Variants in GABBR2 observed in about 807,000 individuals in gnomAD.
GABBR2 encodes the protein G-protein coupled receptor 51.
In GABBR2, 23 loss-of-function variants were observed where a neutral mutation model predicts 105.6. The ratio of observed to expected loss-of-function variants is 0.22; its 90% CI spans 0.16 to 0.31. The LOEUF (loss-of-function observed/expected upper bound fraction) is 0.31. GABBR2 is among the 10% of genes least tolerant of loss of function. The pLI is 1.00. For missense variants in GABBR2, 734 were observed against 1,245.5 expected (o/e 0.59, Z 6.18); for synonymous variants, 478 against 499.7 (o/e 0.96, Z 0.58).
intron 4 of GABBR2, among the ~76,000 whole-genome samples, chr9:98,493,100 A>C (rs1827212448): frequency 6.6e-6 from 1 of 152,044 alleles, no homozygotes; most frequent in African/African-American, 2.4e-5. Flanking sequence ...ACTTGTGGAG[A>C]TTTATTTTAT....
At chr9:98,597,297 C>A (rs1412916581) in intron 1 of GABBR2, among the ~76,000 whole-genome samples, 3 of 152,190 alleles carry the variant, frequency 2.0e-5, no homozygotes, top group Non-Finnish European at 2.9e-5. Context: ...TTTGTGATCA[C>A]AAACAACATG....
At position 98,439,908 on chromosome 9, in the gene GABBR2, G is replaced by A. The variant is rs184153546; in HGVS notation, c.1236+14073C>T. 5.4e-4 allele frequency among the ~76,000 whole-genome samples: 75 copies of A among 139,606 alleles called. 1 individual carries two copies. The highest frequency in any genetic ancestry group is 1.8e-3 in the African/African-American group (74 of 40,252). 91.6% of individuals were successfully genotyped at this position (139,606 alleles called of 152,430 possible). A position where few individuals can be genotyped will look rare whatever the true frequency, so the allele number is the denominator to read the frequency against. On this transcript the variant is annotated intron_variant, in intron 7 of 18. Coordinates refer to ENST00000259455, the MANE Select transcript of GABBR2 (RefSeq NM_005458.8). ...TAATCCTCACAGCCCTTTAAGGTAG[G>A]CCCCGTTGTTATCTATAGGGGTAAC...
chr9:98,529,563 G>A (rs1362167393), intron 3 of GABBR2, among the ~76,000 whole-genome samples: 1 of 152,108 alleles, frequency 6.6e-6, no homozygotes, highest in African/African-American at 2.4e-5. Flanking sequence ...TTTCCTTTGT[G>A]CTCTTTTGTG....
chr9:98,607,398 C>T (rs1588249909), intron 1 of GABBR2: 1 of 656,834 alleles, frequency 1.5e-6, no homozygotes. Context: ...TATCATCTCA[C>T]TTATTGCCAC....
intron 4 of GABBR2, among the ~76,000 whole-genome samples, chr9:98,488,461 A>C (rs1827105792): frequency 6.6e-6 from 1 of 152,240 alleles, no homozygotes; most frequent in South Asian, 2.1e-4. Flanking sequence ...AGAAAGCCAA[A>C]CATGGCTCTA....
chr9:98,483,728 A>T (rs528029255), intron 4 of GABBR2, among the ~76,000 whole-genome samples: 2 of 151,780 alleles, frequency 1.3e-5, no homozygotes, highest in African/African-American at 4.8e-5. Flanking sequence ...CACAGCTGCT[A>T]CTCACCCTTC....
chr9:98,428,362 C>T (rs796981779), intron 7 of GABBR2, among the ~76,000 whole-genome samples: 8 of 152,294 alleles, frequency 5.3e-5, no homozygotes, highest in South Asian at 2.1e-4. Context: ...TTTCAGGAGA[C>T]GCAGCTCCAA....
At chr9:98,663,297 A>G (rs967758937) in intron 1 of GABBR2, among the ~76,000 whole-genome samples, 1 of 152,266 alleles carries the variant, frequency 6.6e-6, no homozygotes, top group East Asian at 1.9e-4. Flanking sequence ...GAGGAAAGGC[A>G]CAGGGTCATG....
intron 1 of GABBR2, among the ~76,000 whole-genome samples, chr9:98,626,128 G>C (rs113542574): frequency 6.6e-6 from 1 of 152,340 alleles, no homozygotes; most frequent in Admixed American, 6.5e-5. Flanking sequence ...CATGCTGAGT[G>C]AAAGAGGCTG....
chr9:98,606,918 C>CCT lies in GABBR2; in HGVS notation c.322-28847_322-28846insAG, dbSNP rs1270857629. 4.6e-6 allele frequency: 3 copies of CCT among 656,724 alleles called. No individual in the cohort carries two copies. The African/African-American group carries it at 5.3e-5, about 12-fold the overall frequency. The allele number at this position is 656,724 out of a possible 1,614,324, so 40.7% of individuals were successfully genotyped here. The stretch of plus-strand genomic sequence containing the variant: ...TGATCCACATGAATTCCTAGGCATT[C>CCT]AGACCTAAGAATCATCTTCTTCCTG... On this transcript the variant is annotated intron_variant, in intron 1 of 18. Coordinates refer to ENST00000259455, the MANE Select transcript of GABBR2 (RefSeq NM_005458.8).
chr9:98,589,044 G>A (rs1330494799), intron 1 of GABBR2, among the ~76,000 whole-genome samples: 1 of 152,146 alleles, frequency 6.6e-6, no homozygotes, highest in Non-Finnish European at 1.5e-5. Flanking sequence ...TGCCTCAGAG[G>A]AGGTCACCCT....
At chr9:98,579,280 C>T (rs1049961086) in intron 1 of GABBR2, among the ~76,000 whole-genome samples, 1 of 152,112 alleles carries the variant, frequency 6.6e-6, no homozygotes, top group Non-Finnish European at 1.5e-5. Flanking sequence ...AAGGAGCTTC[C>T]GTATTAGAGA....
chr9:98,674,141 C>G (rs1830443258), intron 1 of GABBR2, among the ~76,000 whole-genome samples: 1 of 152,164 alleles, frequency 6.6e-6, no homozygotes. Flanking sequence ...GGCAGTTCTC[C>G]ACTCCACTGC....
chr9:98,685,387 T>C (rs1830607620), intron 1 of GABBR2, among the ~76,000 whole-genome samples: 1 of 152,234 alleles, frequency 6.6e-6, no homozygotes, highest in African/African-American at 2.4e-5. Context: ...GGACTTCACC[T>C]TGTGATCATG....
At chr9:98,502,972 C>A (rs1827434656) in intron 3 of GABBR2, among the ~76,000 whole-genome samples, 1 of 152,222 alleles carries the variant, frequency 6.6e-6, no homozygotes, top group Non-Finnish European at 1.5e-5. Flanking sequence ...GTTTCAGGAA[C>A]CGTCTGAGGT....
intron 1 of GABBR2, among the ~76,000 whole-genome samples, chr9:98,624,738 G>T (rs1363967816): frequency 6.6e-6 from 1 of 152,200 alleles, no homozygotes; most frequent in African/African-American, 2.4e-5. Context: ...GGAGGAAGCT[G>T]GGAGCTGCAG....
At chr9:98,444,489 T>C (rs1369607437) in intron 7 of GABBR2, among the ~76,000 whole-genome samples, 1 of 152,160 alleles carries the variant, frequency 6.6e-6, no homozygotes, top group Admixed American at 6.5e-5. Context: ...GTGCTTAGAA[T>C]GCTTCCTGGG....
intron 13 of GABBR2, among the ~76,000 whole-genome samples, chr9:98,329,807 A>G (rs1192406553): frequency 6.6e-6 from 1 of 151,970 alleles, no homozygotes; most frequent in African/African-American, 2.4e-5. Context: ...ATTTTGCCAT[A>G]TCTGCTCCTC....
At chr9:98,462,613 C>A (rs1229401105) in intron 6 of GABBR2, among the ~76,000 whole-genome samples, 1 of 152,196 alleles carries the variant, frequency 6.6e-6, no homozygotes, top group Admixed American at 6.5e-5. Context: ...CCAACCACTA[C>A]ACACCCACTA....
Sources: allele counts gnomAD v4.1 joint callset (sites outside exome capture counted in the v4.1 genomes callset), GRCh38; gene constraint gnomAD v4.1.1; transcripts MANE v1.5; gene names NCBI Gene and HGNC (gene_info 2026-07-23, HGNC 2026-07-21).